The following MTR variants were observed in gnomAD, a reference collection of about 807,000 sequenced individuals.
MTR encodes 5-methyltetrahydrofolate-homocysteine methyltransferase.
Under a neutral mutation model 154.8 loss-of-function variants are expected in MTR, and 84 were observed. The ratio of observed to expected loss-of-function variants is 0.54; its 90% confidence interval spans 0.45 to 0.65. The LOEUF (loss-of-function observed/expected upper bound fraction) is 0.65. Among genes scored for constraint, MTR ranks in the 30% least tolerant of loss-of-function variants. The probability of loss-of-function intolerance (pLI) is 0.00; values close to 1 mark genes in which losing one functional copy is unlikely to be tolerated. For missense variants in MTR, 1,275 were observed against 1,570.2 expected, an observed-to-expected ratio of 0.81 and a Z score of 3.18; for synonymous variants, 554 against 553.9, an observed-to-expected ratio of 1.00 and a Z score of 0.00.
chr1:236,901,835 G>A lies in MTR; in HGVS notation c.*4191G>A, dbSNP rs1466567333. On this transcript the variant is annotated 3_prime_UTR_variant, in exon 33 of 33. Coordinates refer to ENST00000366577, the MANE Select transcript of MTR (RefSeq NM_000254.3). The stretch of plus-strand genomic sequence containing the variant: ...CCATCTCCAAACACCATCATTCTGG[G>A]GATTCCATTTCAACATGATTTGGGG... 3 of 152,136 alleles carry A rather than the reference G, an allele frequency of 2.0e-5. No homozygotes were observed. The highest frequency in any genetic ancestry group is 3.9e-4 in the East Asian group (2 of 5,190). 9.4% of individuals were successfully genotyped at this position (152,136 alleles called of 1,614,324 possible).
chr1:236,846,624 G>T (rs904432262), intron 15 of MTR, among the ~76,000 whole-genome samples: 3 of 152,140 alleles, frequency 2.0e-5, no homozygotes, highest in Non-Finnish European at 4.4e-5. Context: ...GGAACATGGC[G>T]TGTCTTTCAA....
chr1:236,861,307 A>C, intron 20 of MTR, 30 bp downstream of exon 20: 1 of 1,613,486 alleles, frequency 6.2e-7, no homozygotes. Flanking sequence ...AAATTTTCAC[A>C]GTTGCATCTT....
intron 1 of MTR, chr1:236,800,496 T>C: frequency 5.1e-6 from 5 of 983,216 alleles, no homozygotes; most frequent in Non-Finnish European, 6.0e-6. Flanking sequence ...CTTTAGTTCT[T>C]AGTCTTCTCA....
chr1:236,822,847 C>T (rs1662048733), intron 8 of MTR, among the ~76,000 whole-genome samples: 1 of 152,114 alleles, frequency 6.6e-6, no homozygotes, highest in Admixed American at 6.6e-5. Context: ...TTTCTTATTG[C>T]ATAGGGACTT....
At position 236,897,131 on chromosome 1, in the gene MTR, T is replaced by TG; in HGVS notation, c.3711+13_3711+14insG. 6.4e-7 allele frequency: 1 copy of TG among 1,573,330 alleles called. No individual in the cohort carries two copies. Among genetic ancestry groups the TG allele is most frequent in the Non-Finnish European group, 8.7e-7 (1 of 1,142,862 alleles). On this transcript the variant is annotated intron_variant, in intron 32 of 32. Transcript: ENST00000366577. Reference sequence around the variant, plus strand: ...TTCCAAGGATCAGGTAAGCTAGCTGTTGCATTATATGTGGCTTGCCTAGTT... The same window carrying TG: ...TTCCAAGGATCAGGTAAGCTAGCTGTGTGCATTATATGTGGCTTGCCTAGTT...
intron 23 of MTR, 130 bp from the exon 24 acceptor site, chr1:236,874,596 T>C: frequency 4.2e-6 from 3 of 709,158 alleles, no homozygotes; most frequent in Admixed American, 6.0e-5. Flanking sequence ...GAATTAGGAA[T>C]TGGGAATTCA....
At chr1:236,813,373 A>G (rs1661415112) in intron 6 of MTR, among the ~76,000 whole-genome samples, 1 of 152,236 alleles carries the variant, frequency 6.6e-6, no homozygotes, top group Non-Finnish European at 1.5e-5. Context: ...TACACAGTGT[A>G]TCTGTAGGAT....
intron 22 of MTR, among the ~76,000 whole-genome samples, chr1:236,867,446 G>T (rs1664880060): frequency 6.6e-6 from 1 of 152,156 alleles, no homozygotes; most frequent in Admixed American, 6.6e-5. Flanking sequence ...CTGGTCACAA[G>T]AATTCTGATA....
chr1:236,874,697 CCTTT>C, intron 23 of MTR, 25 bp from the exon 24 acceptor site: 2 of 1,399,574 alleles, frequency 1.4e-6, no homozygotes, highest in South Asian at 1.4e-5. Context: ...TCCTTTTTGT[CCTTT>C]TTTTTTTAAA....
intron 11 of MTR, among the ~76,000 whole-genome samples, chr1:236,827,688 T>C (rs1286068690): frequency 3.9e-5 from 6 of 152,160 alleles, no homozygotes; most frequent in Non-Finnish European, 7.4e-5. Context: ...AGTGGTTGCT[T>C]AATTCATGTT....
intron 15 of MTR, among the ~76,000 whole-genome samples, chr1:236,844,590 T>C: frequency 6.6e-6 from 1 of 151,920 alleles, no homozygotes; most frequent in South Asian, 2.1e-4. Context: ...AAAGGATACA[T>C]TTGCCAGAGC....
At chr1:236,893,278 G>A (rs1001872800) in intron 29 of MTR, among the ~76,000 whole-genome samples, 7 of 152,108 alleles carry the variant, frequency 4.6e-5, no homozygotes, top group Non-Finnish European at 5.9e-5. Flanking sequence ...ACACCTCCTC[G>A]CCTGTACTTA....
intron 9 of MTR, among the ~76,000 whole-genome samples, chr1:236,824,850 G>A (rs1340398237): frequency 6.6e-6 from 1 of 152,164 alleles, no homozygotes; most frequent in Non-Finnish European, 1.5e-5. Flanking sequence ...ACTGGAAGCA[G>A]ATAATAAATA....
chr1:236,805,947 GTTTA>G (rs1283577000), intron 2 of MTR, among the ~76,000 whole-genome samples, 193 bp from the exon 3 acceptor site: 3 of 152,150 alleles, frequency 2.0e-5, no homozygotes, highest in Non-Finnish European at 4.4e-5. Flanking sequence ...CAAGTTTCGT[GTTTA>G]TTTATTCATA....
At chr1:236,877,133 G>A (rs1339267792) in intron 24 of MTR, among the ~76,000 whole-genome samples, 2 of 152,170 alleles carry the variant, frequency 1.3e-5, no homozygotes, top group East Asian at 1.9e-4. Flanking sequence ...AGATTTCCAC[G>A]CAACCTCCAA....
At chr1:236,827,938 C>T (rs1439928077) in intron 11 of MTR, among the ~76,000 whole-genome samples, 1 of 152,096 alleles carries the variant, frequency 6.6e-6, no homozygotes, top group Non-Finnish European at 1.5e-5. Flanking sequence ...TTGTAGTTCA[C>T]TGCTTTTGTT....
chr1:236,847,273 G>A (rs1435005490), intron 15 of MTR, among the ~76,000 whole-genome samples: 1 of 152,096 alleles, frequency 6.6e-6, no homozygotes, highest in Non-Finnish European at 1.5e-5. Context: ...ACTTCAGTTC[G>A]ATTTTAAAAC....
At chr1:236,836,603 G>A (rs1455404505) in intron 14 of MTR, among the ~76,000 whole-genome samples, 3 of 152,116 alleles carry the variant, frequency 2.0e-5, no homozygotes, top group Non-Finnish European at 4.4e-5. Context: ...GCATTTTTCA[G>A]GTTGAGCTCT....
intron 24 of MTR, among the ~76,000 whole-genome samples, chr1:236,875,403 T>C (rs749625055): frequency 1.4e-4 from 21 of 152,312 alleles, no homozygotes; most frequent in Non-Finnish European, 2.5e-4. Flanking sequence ...AGGTATAAAA[T>C]GTAAAGATGA....
Sources: gnomAD v4.1 joint callset for allele counts (sites outside exome capture counted in the v4.1 genomes callset) on GRCh38, gnomAD v4.1.1 for gene constraint, MANE v1.5 for transcripts, NCBI Gene and HGNC (gene_info 2026-07-23, HGNC 2026-07-21) for gene names.